KIRREL3: variants seen among roughly 807,000 people sequenced by gnomAD.
KIRREL3 encodes kirre like nephrin family adhesion molecule 3.
In KIRREL3, 36 loss-of-function variants were observed where a neutral mutation model predicts 89.7. The observed-to-expected ratio is 0.40, with a 90% CI of 0.31 to 0.53. KIRREL3 has a LOEUF of 0.53. Among genes scored for constraint, KIRREL3 ranks in the 20% least tolerant of loss-of-function variants. The pLI is 0.49. For missense variants in KIRREL3, 864 were observed against 1,056.6 expected (o/e 0.82, Z 2.53); for synonymous variants, 445 against 441.4 (o/e 1.01, Z -0.10).
rs1356516508 is a variant in KIRREL3, at chr11:126,814,863, G to A, written c.55+185592C>T. Among the ~76,000 whole-genome samples, 12 of 152,110 alleles carry A rather than the reference G, an allele frequency of 7.9e-5. No homozygotes were observed. In the East Asian group the frequency reaches 9.6e-4, roughly 12 times the overall value. ...ATGGTGGTGGGTTCATCGGTGCAGC[G>A]AACCACCATGGCACACGTATCTATG... is the stretch of plus-strand genomic sequence containing the variant. On this transcript the variant is annotated intron_variant, in intron 1 of 16. Transcript: ENST00000525144. This position sits in a 1 kb window ranked among gnomAD's most constrained non-coding sequence, Gnocchi z 4.4.
chr11:126,531,698 T>G lies in KIRREL3; in HGVS notation c.134-5011A>C, dbSNP rs1763764474. ...TCTCTCTATATTCTCATCTTGCCTC[T>G]TTTTCATCAATTTCTCCAAACCTTT... On this transcript the variant is annotated intron_variant, in intron 2 of 16. Coordinates refer to ENST00000525144, the MANE Select transcript of KIRREL3 (RefSeq NM_032531.4). The surrounding 1 kb of genome is among the most constrained non-coding windows in gnomAD (Gnocchi z 4.7). Among the ~76,000 whole-genome samples, 1 of 152,150 alleles carries G rather than the reference T, an allele frequency of 6.6e-6. No homozygotes were observed. Among genetic ancestry groups the G allele is most frequent in the Admixed American group, 6.5e-5 (1 of 15,270 alleles).
At position 126,715,890 on chromosome 11, in the gene KIRREL3, T is replaced by C. The variant is rs1340267483; in HGVS notation, c.56-152978A>G. On this transcript the variant is annotated intron_variant, in intron 1 of 16. Coordinates refer to ENST00000525144, the MANE Select transcript of KIRREL3 (RefSeq NM_032531.4). The surrounding 1 kb of genome is among the most constrained non-coding windows in gnomAD (Gnocchi z 4.4). Reference sequence around the variant, plus strand: ...TGAAGAATGCAAGAGCAATCTGCAGTGTTATTGACTAGTGGAAAAATGGCT... The same window carrying C: ...TGAAGAATGCAAGAGCAATCTGCAGCGTTATTGACTAGTGGAAAAATGGCT... 6.6e-6 allele frequency among the ~76,000 whole-genome samples: 1 copy of C among 152,096 alleles called. No homozygotes were observed. The highest frequency in any genetic ancestry group is 1.5e-5 in the Non-Finnish European group (1 of 68,026).
intron 7 of KIRREL3, among the ~76,000 whole-genome samples, chr11:126,452,654 A>G (rs1214958816): frequency 6.6e-6 from 1 of 152,224 alleles, no homozygotes; most frequent in Admixed American, 6.5e-5. Context: ...CTTGGCCCCA[A>G]GTAATCAGCA....
intron 1 of KIRREL3, among the ~76,000 whole-genome samples, chr11:126,863,684 C>T (rs1206261520): frequency 3.3e-5 from 5 of 151,876 alleles, no homozygotes; most frequent in South Asian, 2.1e-4. Context: ...AGTGAGTGTG[C>T]GCCTGTGTGT....
rs1395775925 is a variant in KIRREL3, at chr11:126,991,950, G to T, written c.55+8505C>A. Among the ~76,000 whole-genome samples the T allele has an allele frequency of 3.9e-5, 6 of 152,200 alleles. No individual in the cohort carries two copies. The highest frequency in any genetic ancestry group is 1.3e-4 in the Admixed American group (2 of 15,282). On this transcript the variant is annotated intron_variant, in intron 1 of 16. Coordinates refer to ENST00000525144, the MANE Select transcript of KIRREL3 (RefSeq NM_032531.4). This position sits in a 1 kb window ranked among gnomAD's most constrained non-coding sequence, Gnocchi z 5.8. Reference sequence around the variant, plus strand: ...GTCAAGCAAAGTAACCTCTCTGGGGGTATGACAGCAATAATGCCCACTTCT... The same window carrying T: ...GTCAAGCAAAGTAACCTCTCTGGGGTTATGACAGCAATAATGCCCACTTCT...
Position 126,425,714 on chromosome 11 carries a change from C to T in KIRREL3, c.1817G>A (p.Gly606Asp). ...STIKQLMMDR[G>D]EFQQDSVLKQ... ...CAGGACTGAGTCTTGCTGGAATTCACCCCGGTCCATCTGCAACCCAAAAAA... is the reference window on the plus strand; with the variant it reads ...CAGGACTGAGTCTTGCTGGAATTCATCCCGGTCCATCTGCAACCCAAAAAA... The change falls in exon 16 of 17, where the codon GGT becomes GAT. Residue 606 changes from glycine (G) to aspartate (D), a missense_variant. Physicochemically the swap from Gly to Asp is moderately conservative, Grantham distance 94. Transcript: ENST00000525144. The T allele has an allele frequency of 1.3e-6, 2 of 1,595,196 alleles. No individual in the cohort carries two copies. Among genetic ancestry groups the T allele is most frequent in the South Asian group, 2.3e-5 (2 of 87,478 alleles).
At chr11:126,945,178 C>G (rs1948581551) in intron 1 of KIRREL3, 1 of 152,288 alleles carries the variant, frequency 6.6e-6, no homozygotes. Flanking sequence ...GATTCTCAGG[C>G]CCGTGTTCTC....
intron 10 of KIRREL3, among the ~76,000 whole-genome samples, chr11:126,442,348 ACACAC>A (rs768304688): frequency 3.2e-4 from 45 of 142,558 alleles, no homozygotes; most frequent in Admixed American, 5.4e-4. Flanking sequence ...ACACACACAC[ACACAC>A]AAAACCTTTT....
At chr11:126,644,040 G>A (rs1378140051) in intron 1 of KIRREL3, among the ~76,000 whole-genome samples, 1 of 152,198 alleles carries the variant, frequency 6.6e-6, no homozygotes, top group Non-Finnish European at 1.5e-5. Context: ...CTACAGTCCA[G>A]GCCATCGTCC....
Position 126,912,215 on chromosome 11 carries a change from T to C in KIRREL3, c.55+88240A>G, listed in dbSNP as rs531694149. On this transcript the variant is annotated intron_variant, in intron 1 of 16. Coordinates refer to ENST00000525144, the MANE Select transcript of KIRREL3 (RefSeq NM_032531.4). The surrounding 1 kb of genome is among the most constrained non-coding windows in gnomAD (Gnocchi z 4.7). ...GTGGAATGAAAGCACAAGCCATCAA[T>C]AGCATGGTCATCTCCCTGGAGATGT... 4.6e-5 allele frequency among the ~76,000 whole-genome samples: 7 copies of C among 152,118 alleles called. No individual in the cohort carries two copies. Among genetic ancestry groups the C allele is most frequent in the Non-Finnish European group, 1.0e-4 (7 of 67,996 alleles).
chr11:126,521,433 G>A lies in KIRREL3; in HGVS notation c.315C>T (p.His105=), dbSNP rs1331924145. The A allele has an allele frequency of 6.3e-7, 1 of 1,580,670 alleles. No homozygotes were observed. The highest frequency in any genetic ancestry group is 1.3e-5 in the African/African-American group (1 of 74,186). Reference sequence around the variant, plus strand: ...TCTTCAGGTGGTGCTCCCCTGACAGGTGGTTCCCTACCACCAGGTACTGTG... The same window carrying A: ...TCTTCAGGTGGTGCTCCCCTGACAGATGGTTCCCTACCACCAGGTACTGTG... The part of the protein sequence containing the change: ...SYPQYLVVGN[H]LSGEHHLKIL... Residue 105 remains histidine (H), a synonymous_variant, in exon 4 of 17, where the codon CAC becomes CAT. Transcript: ENST00000525144. The surrounding 1 kb of genome is among the most constrained non-coding windows in gnomAD (Gnocchi z 4.1).
chr11:126,801,240 G>T (rs1951022579), intron 1 of KIRREL3, among the ~76,000 whole-genome samples: 1 of 152,024 alleles, frequency 6.6e-6, no homozygotes, highest in Non-Finnish European at 1.5e-5. Flanking sequence ...TCTATCCTAA[G>T]GATTACAGTT....
rs1279042243 is a variant in KIRREL3, at chr11:126,676,430, A to C, written c.56-113518T>G. On this transcript the variant is annotated intron_variant, in intron 1 of 16. Transcript: ENST00000525144. The surrounding 1 kb of genome is among the most constrained non-coding windows in gnomAD (Gnocchi z 4.5). ...GGGGCCTCTCTAGTCCCCCAGGGCC[A>C]CTGGGCTGGCTCTGCAGTTGGCCAC... Among the ~76,000 whole-genome samples, 3 of 152,080 alleles carry C rather than the reference A, an allele frequency of 2.0e-5. No homozygotes were observed. Among genetic ancestry groups the C allele is most frequent in the Non-Finnish European group, 4.4e-5 (3 of 67,996 alleles).
rs182161242 is a variant in KIRREL3 at position 126,812,326 on chromosome 11, C to T, written c.55+188129G>A. Among the ~76,000 whole-genome samples, 899 of 152,164 alleles carry T rather than the reference C, an allele frequency of 5.9e-3. 6 individuals carry two copies. Among genetic ancestry groups the T allele is most frequent in the Non-Finnish European group, 9.8e-3 (665 of 68,016 alleles). Reference sequence around the variant, plus strand: ...AATAATGAGAAGGACTGGGGGAAAACGAAGTATGCTCTCCAGGCTAACCGT... The same window carrying T: ...AATAATGAGAAGGACTGGGGGAAAATGAAGTATGCTCTCCAGGCTAACCGT... On this transcript the variant is annotated intron_variant, in intron 1 of 16. Transcript: ENST00000525144. This position sits in a 1 kb window ranked among gnomAD's most constrained non-coding sequence, Gnocchi z 5.2.
chr11:126,514,723 A>T lies in KIRREL3; in HGVS notation c.433+6592T>A, dbSNP rs140199478. On this transcript the variant is annotated intron_variant, in intron 4 of 16. Transcript: ENST00000525144. Reference sequence around the variant, plus strand: ...CACAGAGTGGTTAAATAACTTGCTCACGGTCACACCAGTGGCAAAATGATA... The same window carrying T: ...CACAGAGTGGTTAAATAACTTGCTCTCGGTCACACCAGTGGCAAAATGATA... Among the ~76,000 whole-genome samples, 594 of 152,320 alleles carry T rather than the reference A, an allele frequency of 3.9e-3. 4 individuals carry two copies. Among genetic ancestry groups the T allele is most frequent in the Middle Eastern group, 0.014 (4 of 294 alleles).
chr11:126,442,190 G>A (rs953108197), intron 10 of KIRREL3, among the ~76,000 whole-genome samples: 1 of 148,830 alleles, frequency 6.7e-6, no homozygotes, highest in East Asian at 2.0e-4. Context: ...GAACCTGGGA[G>A]GTGGAGGTTG....
intron 7 of KIRREL3, 91 bp downstream of exon 7, chr11:126,456,258 C>G (rs1440466238): frequency 1.2e-6 from 1 of 815,394 alleles, no homozygotes; most frequent in East Asian, 2.7e-5. Context: ...CACACTGCAG[C>G]CATGCTGAGG....
At chr11:126,974,799 G>T (rs187713113) in intron 1 of KIRREL3, among the ~76,000 whole-genome samples, 1 of 152,078 alleles carries the variant, frequency 6.6e-6, no homozygotes, top group Non-Finnish European at 1.5e-5. Context: ...TCTGCTTCCC[G>T]GGCTCAAGTC....
intron 4 of KIRREL3, among the ~76,000 whole-genome samples, chr11:126,503,211 G>A (rs1957917156): frequency 6.6e-6 from 1 of 152,140 alleles, no homozygotes; most frequent in African/African-American, 2.4e-5. Flanking sequence ...TGGCAGAAAG[G>A]CTCTGTCTCA....
Sources: gnomAD v4.1 joint callset for allele counts (sites outside exome capture counted in the v4.1 genomes callset) on GRCh38, gnomAD v4.1.1 for gene constraint, Gnocchi (gnomAD v3.1) non-coding constraint, MANE v1.5 for transcripts, NCBI Gene and HGNC (gene_info 2026-07-23, HGNC 2026-07-21) for gene names.